ESR2: variants seen among roughly 807,000 people sequenced by gnomAD.
ESR2 encodes estrogen receptor beta.
ESR2 carries 36 observed loss-of-function variants against 49.6 expected under a neutral mutation model. That is an observed-to-expected ratio of 0.73 (90% CI 0.56 to 0.96). The LOEUF (loss-of-function observed/expected upper bound fraction) is 0.96, where lower values mean the gene tolerates loss of function less well. Among genes scored for constraint, ESR2 ranks in the 40% least tolerant of loss-of-function variants. The probability of loss-of-function intolerance (pLI) is 0.00; values close to 1 mark genes in which losing one functional copy is unlikely to be tolerated. For missense variants in ESR2, 714 were observed against 693.0 expected (o/e 1.03, Z -0.34); for synonymous variants, 320 against 266.1 (o/e 1.20, Z -1.97).
chr14:64,247,459 T>C (rs2140669583), intron 7 of ESR2, among the ~76,000 whole-genome samples: 1 of 152,340 alleles, frequency 6.6e-6, no homozygotes, highest in South Asian at 2.1e-4. Context: ...GAATTCTGCA[T>C]TGAATCTTGG....
chr14:64,300,835 C>T (rs1472831507), intron 1 of ESR2, among the ~76,000 whole-genome samples: 2 of 152,178 alleles, frequency 1.3e-5, no homozygotes, highest in Non-Finnish European at 2.9e-5. Flanking sequence ...ATCTTGCCCT[C>T]ATGCATTTAT....
chr14:64,318,601 A>G (rs2077288320), intron 1 of ESR2, among the ~76,000 whole-genome samples: 1 of 149,834 alleles, frequency 6.7e-6, no homozygotes, highest in Non-Finnish European at 1.5e-5. Flanking sequence ...ATACTTAGGT[A>G]TAAATCTAAC....
chr14:64,296,977 A>G (rs1472736140), upstream of ESR2, among the ~76,000 whole-genome samples: 3 of 152,122 alleles, frequency 2.0e-5, no homozygotes, highest in Non-Finnish European at 4.4e-5. Context: ...ACAATGATGA[A>G]GGGATTATTC....
intron 7 of ESR2, among the ~76,000 whole-genome samples, chr14:64,240,620 G>A (rs963720879): frequency 1.3e-5 from 2 of 152,246 alleles, no homozygotes; most frequent in South Asian, 2.1e-4. Flanking sequence ...ACATGGTGGA[G>A]CCATCACCAC....
intron 1 of ESR2, among the ~76,000 whole-genome samples, chr14:64,309,520 A>T (rs1394489069): frequency 6.7e-6 from 1 of 149,570 alleles, no homozygotes; most frequent in Admixed American, 6.7e-5. Context: ...CTGAGGCAGG[A>T]GAATTGCTCG....
chr14:64,256,554 C>T (rs993583980), intron 6 of ESR2, among the ~76,000 whole-genome samples: 2 of 152,188 alleles, frequency 1.3e-5, no homozygotes, highest in East Asian at 1.9e-4. Flanking sequence ...CATGGTGAAA[C>T]CACTTCTCTA....
chr14:64,230,865 T>TTATATATATATATATA lies in ESR2; in HGVS notation c.*2256_*2271dup, dbSNP rs10589699. ...AAGATCTACTCTCAAAAAAAAAAAA[T>TTATATATATATATATA]TATATATATATATATATATATATTT... On this transcript the variant is annotated 3_prime_UTR_variant, in exon 9 of 9. Transcript: ENST00000341099. 5.6e-5 allele frequency: 7 copies of TTATATATATATATATA among 125,628 alleles called. No individual in the cohort carries two copies. Among genetic ancestry groups the TTATATATATATATATA allele is most frequent in the South Asian group, 2.4e-4 (1 of 4,130 alleles). 7.8% of individuals were successfully genotyped at this position (125,628 alleles called of 1,614,324 possible).
At chr14:64,310,404 T>C (rs1490481747) in intron 1 of ESR2, among the ~76,000 whole-genome samples, 1 of 151,688 alleles carries the variant, frequency 6.6e-6, no homozygotes, top group Non-Finnish European at 1.5e-5. Flanking sequence ...ATTATGTAAC[T>C]ATAAAGATTC....
At chr14:64,285,759 G>A (rs1026458944) in intron 1 of ESR2, among the ~76,000 whole-genome samples, 12 of 150,988 alleles carry the variant, frequency 7.9e-5, no homozygotes, top group Admixed American at 1.3e-4. Context: ...TCTGGGAGGC[G>A]GAGGCTGCAT....
Position 64,283,048 on chromosome 14 carries a change from C to T in ESR2, c.-63G>A. On this transcript the variant is annotated 5_prime_UTR_variant, in exon 2 of 9. Transcript: ENST00000341099. ...GAGGCACAAAGGTCATTATAATGTT[C>T]TCAAAGATTCGTGGGCAAGTATAAT... The T allele has an allele frequency of 1.3e-6, 2 of 1,516,402 alleles. No individual in the cohort carries two copies. The highest frequency in any genetic ancestry group is 1.8e-6 in the Non-Finnish European group (2 of 1,129,038). 93.9% of individuals were successfully genotyped at this position (1,516,402 alleles called of 1,614,324 possible).
At chr14:64,259,621 G>C (rs552073702) in intron 5 of ESR2, among the ~76,000 whole-genome samples, 1 of 152,306 alleles carries the variant, frequency 6.6e-6, no homozygotes, top group East Asian at 1.9e-4. Flanking sequence ...CTTGAGAGAA[G>C]TGATCACTTT....
chr14:64,271,789 A>G (rs538192575), intron 3 of ESR2, among the ~76,000 whole-genome samples: 22 of 152,196 alleles, frequency 1.4e-4, no homozygotes, highest in African/African-American at 4.6e-4. Flanking sequence ...CATTTTCTTT[A>G]TCTATATTCA....
intron 4 of ESR2, among the ~76,000 whole-genome samples, chr14:64,266,476 G>A (rs1401718269): frequency 1.3e-5 from 2 of 152,216 alleles, no homozygotes; most frequent in Non-Finnish European, 2.9e-5. Flanking sequence ...CTTGAGCCAT[G>A]AGGGCAATAG....
At chr14:64,310,617 G>A (rs1037207505) in intron 1 of ESR2, among the ~76,000 whole-genome samples, 8 of 151,812 alleles carry the variant, frequency 5.3e-5, no homozygotes, top group Non-Finnish European at 8.8e-5. Context: ...AATTACAGGT[G>A]CACACCACCA....
downstream of ESR2, among the ~76,000 whole-genome samples, chr14:64,228,223 ACT>A (rs1371207945): frequency 1.3e-5 from 2 of 152,168 alleles, no homozygotes; most frequent in African/African-American, 4.8e-5. Flanking sequence ...TTCTCAAAGG[ACT>A]CTCTAACCCC....
At chr14:64,309,713 T>TAATC (rs1440331647) in intron 1 of ESR2, among the ~76,000 whole-genome samples, 1 of 151,930 alleles carries the variant, frequency 6.6e-6, no homozygotes, top group Non-Finnish European at 1.5e-5. Flanking sequence ...CTCACACCTG[T>TAATC]AATCCCAGCA....
intron 4 of ESR2, among the ~76,000 whole-genome samples, chr14:64,264,310 TAGA>T (rs2076279391): frequency 6.6e-6 from 1 of 152,218 alleles, no homozygotes; most frequent in African/African-American, 2.4e-5. Context: ...CTAGTTATAG[TAGA>T]AGAAAGGGCT....
rs139785869 is a variant in ESR2 at position 64,235,015 on chromosome 14, C to T, written c.1361G>A (p.Arg454His). ...CAGGAGCATCAGGAGGTTAGCCAGG[C>T]GCATGGATTGCTGCTGGGAGGAGAT... ...SGISSQQQSM[R>H]LANLLMLLSH... Residue 454 changes from arginine (R) to histidine (H), a missense_variant, in exon 8 of 9, where the codon CGC (arginine) becomes CAC (histidine). Physicochemically the swap from Arg to His is conservative, Grantham distance 29. Coordinates refer to ENST00000341099, the MANE Select transcript of ESR2 (RefSeq NM_001437.3). 76 of 1,614,198 alleles carry T rather than the reference C, an allele frequency of 4.7e-5. No homozygotes were observed. The South Asian group carries it at 6.8e-4, about 14-fold the overall frequency.
At chr14:64,296,283 C>T (rs1567786898), upstream of ESR2, among the ~76,000 whole-genome samples, 1 of 152,202 alleles carries the variant, frequency 6.6e-6, no homozygotes, top group South Asian at 2.1e-4. Context: ...ATTGACTCCA[C>T]TTTTCCAGTG....
Sources: allele counts gnomAD v4.1 joint callset (sites outside exome capture counted in the v4.1 genomes callset), GRCh38; gene constraint gnomAD v4.1.1; transcripts MANE v1.5; gene names NCBI Gene and HGNC (gene_info 2026-07-23, HGNC 2026-07-21).